RBM20: variants seen among roughly 807,000 people sequenced by gnomAD.
The protein encoded by RBM20 is RNA binding motif protein 20, also known as RNA-binding protein 20.
In RBM20, 51 loss-of-function variants were observed where a neutral mutation model predicts 110.1. That is an observed-to-expected ratio of 0.46 (90% confidence interval 0.37 to 0.59). The LOEUF is 0.59. Ranked by LOEUF, RBM20 falls within the 20% of genes least tolerant of loss-of-function variation. The pLI, the probability that RBM20 is intolerant of heterozygous loss-of-function variation, is 0.00. For missense variants in RBM20, 1,512 were observed against 1,574.9 expected, an observed-to-expected ratio of 0.96 and a Z score of 0.68; for synonymous variants, 589 against 618.2, an observed-to-expected ratio of 0.95 and a Z score of 0.70.
At position 110,722,655 on chromosome 10, in the gene RBM20, A is replaced by G. The variant is rs191944580; in HGVS notation, c.192-58146A>G. On this transcript the variant is annotated intron_variant, in intron 1 of 13. Transcript: ENST00000369519. ...AGTCTCTTTTTTCCACCACTCTCAAACTCAGATCTTGCCCCAGAATTAGTC... is the reference window on the plus strand; with the variant it reads ...AGTCTCTTTTTTCCACCACTCTCAAGCTCAGATCTTGCCCCAGAATTAGTC... Among the ~76,000 whole-genome samples the G allele has an allele frequency of 3.9e-5, 6 of 152,252 alleles. No individual in the cohort carries two copies. In the East Asian group the frequency reaches 1.2e-3, roughly 29 times the overall value.
chr10:110,683,610 T>A (rs1862455267), intron 1 of RBM20, among the ~76,000 whole-genome samples: 1 of 152,252 alleles, frequency 6.6e-6, no homozygotes, highest in African/African-American at 2.4e-5. Flanking sequence ...GAATTGAGTT[T>A]TGTAACTTTT....
chr10:110,695,085 G>A (rs1206869371), intron 1 of RBM20, among the ~76,000 whole-genome samples: 1 of 152,154 alleles, frequency 6.6e-6, no homozygotes, highest in Non-Finnish European at 1.5e-5. Flanking sequence ...CCACAGGATT[G>A]ATTTTTGTTA....
Position 110,799,855 on chromosome 10 carries a change from T to C in RBM20, c.1737T>C (p.Ala579=). ...TCCAGTATTATCAAGAAAAATCTGC[T>C]GTGATCAATGGTGAGAAGTTGCTCA... ...AMVQYYQEKS[A]VINGEKLLIR... is the part of the protein sequence containing the mutation. Residue 579 remains alanine, a synonymous_variant, in exon 7 of 14, where the codon GCT becomes GCC. Coordinates refer to ENST00000369519, the MANE Select transcript of RBM20 (RefSeq NM_001134363.3). 1 of 1,552,044 alleles carries C rather than the reference T, an allele frequency of 6.4e-7. No homozygotes were observed. Among genetic ancestry groups the C allele is most frequent in the Non-Finnish European group, 8.7e-7 (1 of 1,147,006 alleles).
At chr10:110,727,143 CT>C (rs57606079) in intron 1 of RBM20, among the ~76,000 whole-genome samples, 1,169 of 80,448 alleles carry the variant, frequency 0.015, 16 homozygotes, top group African/African-American at 0.048. Flanking sequence ...TGCACCCAGC[CT>C]TTTTTTTTTT....
intron 1 of RBM20, among the ~76,000 whole-genome samples, chr10:110,687,275 A>T (rs979357615): frequency 4.6e-5 from 7 of 151,672 alleles, no homozygotes; most frequent in Admixed American, 4.0e-4. Flanking sequence ...TTAAAATGTC[A>T]TAGCTAACTA....
rs1843700520 is a variant in RBM20, at chr10:110,739,014, C to T, written c.192-41787C>T. 6.6e-6 allele frequency among the ~76,000 whole-genome samples: 1 copy of T among 152,156 alleles called. No individual in the cohort carries two copies. Among genetic ancestry groups the T allele is most frequent in the South Asian group, 2.1e-4 (1 of 4,826 alleles). The stretch of plus-strand genomic sequence containing the variant: ...ATTTGAAATGGTCCACAGCTGCTCA[C>T]AATCCTTAAGGGAGTTTATCTGTAA... On this transcript the variant is annotated intron_variant, in intron 1 of 13. Coordinates refer to ENST00000369519, the MANE Select transcript of RBM20 (RefSeq NM_001134363.3). This position sits in a 1 kb window ranked among gnomAD's most constrained non-coding sequence, Gnocchi z 4.1.
At chr10:110,683,932 AAAATC>A in intron 1 of RBM20, among the ~76,000 whole-genome samples, 1 of 152,380 alleles carries the variant, frequency 6.6e-6, no homozygotes, top group Admixed American at 6.5e-5. Context: ...AAGAAAAAGA[AAAATC>A]AAGTTATATC....
chr10:110,653,984 A>G (rs994812744), intron 1 of RBM20, among the ~76,000 whole-genome samples: 2 of 152,222 alleles, frequency 1.3e-5, no homozygotes, highest in Middle Eastern at 3.2e-3. Flanking sequence ...GACCAGATCC[A>G]GGTTAAACAT....
chr10:110,799,606 A>G (rs1426354539), intron 6 of RBM20, among the ~76,000 whole-genome samples, 181 bp from the exon 7 acceptor site: 6 of 152,216 alleles, frequency 3.9e-5, no homozygotes, highest in African/African-American at 9.6e-5. Context: ...AGGTTTCCTT[A>G]TGCTTCTTCT....
At position 110,833,165 on chromosome 10, in the gene RBM20, T is replaced by G. The variant is rs376903993; in HGVS notation, c.3573+1983T>G. Among the ~76,000 whole-genome samples, 1,118 of 151,128 alleles carry G rather than the reference T, an allele frequency of 7.4e-3. 18 individuals are homozygous for G. The highest frequency in any genetic ancestry group is 0.026 in the African/African-American group (1,080 of 41,174). On this transcript the variant is annotated intron_variant, in intron 13 of 13. Coordinates refer to ENST00000369519, the MANE Select transcript of RBM20 (RefSeq NM_001134363.3). ...CAGCACTTTGGGAGACCGAGGCGGGTGGATCACGAGGTCAGGAATTCGAGA... is the reference window on the plus strand; with the variant it reads ...CAGCACTTTGGGAGACCGAGGCGGGGGGATCACGAGGTCAGGAATTCGAGA...
intron 1 of RBM20, among the ~76,000 whole-genome samples, chr10:110,669,807 G>A (rs1015170576): frequency 2.0e-5 from 3 of 152,156 alleles, no homozygotes; most frequent in Non-Finnish European, 4.4e-5. Flanking sequence ...TAGGGATTGG[G>A]GTGGCAAGAG....
At chr10:110,718,591 T>C (rs1843463871) in intron 1 of RBM20, among the ~76,000 whole-genome samples, 1 of 149,306 alleles carries the variant, frequency 6.7e-6, no homozygotes. Context: ...TGTTAATACA[T>C]ATAATTCTAC....
At chr10:110,723,067 A>G (rs10749048) in intron 1 of RBM20, among the ~76,000 whole-genome samples, 96,330 of 150,288 alleles carry the variant, frequency 0.64, 31,285 homozygotes, top group East Asian at 0.97. Context: ...AGCCGAGATC[A>G]CCTCACTGCA....
intron 1 of RBM20, among the ~76,000 whole-genome samples, chr10:110,756,111 T>C (rs1190151903): frequency 6.6e-6 from 1 of 152,226 alleles, no homozygotes; most frequent in African/African-American, 2.4e-5. Flanking sequence ...GCCAGGTTTG[T>C]GAGTCCCATC....
intron 1 of RBM20, among the ~76,000 whole-genome samples, chr10:110,767,746 A>ACG (rs1045874424): frequency 6.6e-6 from 1 of 150,884 alleles, no homozygotes; most frequent in Admixed American, 6.6e-5. Flanking sequence ...CCGGGCAGAG[A>ACG]CGCTCCTCAC....
intron 1 of RBM20, among the ~76,000 whole-genome samples, chr10:110,706,536 T>C (rs186250579): frequency 6.6e-6 from 1 of 152,238 alleles, no homozygotes; most frequent in African/African-American, 2.4e-5. Context: ...AGTGACTACA[T>C]TGAACTCCAA....
chr10:110,799,297 G>A (rs1444439414), intron 6 of RBM20, among the ~76,000 whole-genome samples: 1 of 152,184 alleles, frequency 6.6e-6, no homozygotes, highest in Admixed American at 6.5e-5. Context: ...ATGGCATGAT[G>A]TAGCCCAGGA....
intron 5 of RBM20, among the ~76,000 whole-genome samples, chr10:110,786,962 A>C (rs1025486464): frequency 7.9e-5 from 12 of 152,148 alleles, no homozygotes; most frequent in African/African-American, 2.9e-4. Flanking sequence ...CAGGCAGGAC[A>C]TTCTGCAGTC....
chr10:110,788,228 C>A (rs377049662), intron 5 of RBM20, among the ~76,000 whole-genome samples: 21 of 152,306 alleles, frequency 1.4e-4, no homozygotes, highest in African/African-American at 4.1e-4. Context: ...CCTCTCCCTA[C>A]CCCACAAGCC....
Sources: allele counts gnomAD v4.1 joint callset (sites outside exome capture counted in the v4.1 genomes callset), GRCh38; gene constraint gnomAD v4.1.1; non-coding constraint Gnocchi (gnomAD v3.1); transcripts MANE v1.5; gene names NCBI Gene and HGNC (gene_info 2026-07-23, HGNC 2026-07-21).